Variants in MIER1 observed in about 807,000 individuals in gnomAD.
MIER1 encodes the protein mesoderm induction early response protein 1.
A neutral mutation model predicts 75.7 loss-of-function variants in MIER1; 40 were observed. That is an observed-to-expected ratio of 0.53 (90% CI 0.41 to 0.69). The LOEUF is 0.69. Ranked by LOEUF, MIER1 falls within the 30% of genes least tolerant of loss-of-function variation. The probability of loss-of-function intolerance (pLI) is 0.00; values close to 1 mark genes in which losing one functional copy is unlikely to be tolerated. For missense variants in MIER1, 574 were observed against 680.2 expected (o/e 0.84, Z 1.74); for synonymous variants, 213 against 223.4 (o/e 0.95, Z 0.42).
intron 8 of MIER1, among the ~76,000 whole-genome samples, chr1:66,970,333 T>A (rs1448065185): frequency 6.6e-6 from 1 of 152,202 alleles, no homozygotes; most frequent in Admixed American, 6.5e-5. Flanking sequence ...GTGTTAACAT[T>A]TGGTGAGCAT....
chr1:66,968,202 C>T (rs767227655), intron 8 of MIER1, among the ~76,000 whole-genome samples: 10 of 151,998 alleles, frequency 6.6e-5, no homozygotes, highest in Admixed American at 1.3e-4. Flanking sequence ...TTGGAGGGAT[C>T]GCTGTGGTAA....
chr1:66,977,516 ACT>A (rs2101987840), intron 12 of MIER1, among the ~76,000 whole-genome samples: 1 of 152,144 alleles, frequency 6.6e-6, no homozygotes, highest in African/African-American at 2.4e-5. Flanking sequence ...TAGTAATGTA[ACT>A]CTAGTGTAGT....
intron 2 of MIER1, among the ~76,000 whole-genome samples, chr1:66,935,033 C>T (rs191056579): frequency 7.6e-4 from 115 of 152,154 alleles, no homozygotes; most frequent in African/African-American, 2.5e-3. Context: ...TTTGTTCAGA[C>T]GGTAATACTC....
rs1045200593 is a variant in MIER1, at chr1:66,987,183, T to G, written c.*2283T>G. 6 of 152,754 alleles carry G rather than the reference T, an allele frequency of 3.9e-5. No homozygotes were observed. Among genetic ancestry groups the G allele is most frequent in the African/African-American group, 1.4e-4 (6 of 41,482 alleles). The allele number at this position is 152,754 out of a possible 1,614,324, so 9.5% of individuals were successfully genotyped here. A position where few individuals can be genotyped will look rare whatever the true frequency, so the allele number is the denominator to read the frequency against. On this transcript the variant is annotated 3_prime_UTR_variant, in exon 14 of 14. Coordinates refer to ENST00000401041, the MANE Select transcript of MIER1 (RefSeq NM_001077700.3). The stretch of plus-strand genomic sequence containing the variant: ...AGCTTTTTGTAAAGAAATATTTAAT[T>G]GTATTTTGTGTTTATACAGGTATTT...
intron 3 of MIER1, among the ~76,000 whole-genome samples, chr1:66,940,574 A>G (rs1412787840): frequency 6.6e-6 from 1 of 152,192 alleles, no homozygotes; most frequent in Non-Finnish European, 1.5e-5. Context: ...TTAGGTTCTG[A>G]GCACACATCT....
chr1:66,947,407 C>T (rs1219435459), intron 4 of MIER1: 3 of 152,082 alleles, frequency 2.0e-5, no homozygotes, highest in African/African-American at 4.8e-5. Flanking sequence ...TGTTCTTTCC[C>T]TGTCCTATCA....
At chr1:66,966,936 G>A (rs568866893) in intron 8 of MIER1, among the ~76,000 whole-genome samples, 88 of 152,206 alleles carry the variant, frequency 5.8e-4, no homozygotes, top group African/African-American at 2.0e-3. Flanking sequence ...TGGGTAGTTT[G>A]CAAATATTTT....
At chr1:66,937,540 A>G (rs1655200850) in intron 2 of MIER1, among the ~76,000 whole-genome samples, 1 of 152,046 alleles carries the variant, frequency 6.6e-6, no homozygotes, top group African/African-American at 2.4e-5. Flanking sequence ...AGCCAAGATC[A>G]TGCCACTGCA....
chr1:66,980,659 G>A (rs1439305315), intron 12 of MIER1, among the ~76,000 whole-genome samples: 2 of 152,062 alleles, frequency 1.3e-5, no homozygotes, highest in Non-Finnish European at 2.9e-5. Flanking sequence ...TTATGCTGAA[G>A]GAATTTTAAG....
intron 2 of MIER1, among the ~76,000 whole-genome samples, chr1:66,938,162 A>C (rs1223122121): frequency 1.3e-5 from 2 of 152,208 alleles, no homozygotes; most frequent in Non-Finnish European, 2.9e-5. Flanking sequence ...TTAACTATTT[A>C]CCAATGAAGC....
chr1:66,959,735 T>G lies in MIER1; in HGVS notation c.691T>G (p.Trp231Gly). ...EDEDYIPSEDWKKEIMVGSMF... is the reference protein window; with the variant it reads ...EDEDYIPSEDGKKEIMVGSMF... ...TGAAGATTATATTCCATCAGAAGAC[T>G]GGAAAAAGGTAGTTAGAACAATATT... The change falls in exon 7 of 14, where the codon TGG becomes GGG. Residue 231 changes from tryptophan to glycine, a missense_variant. Coordinates refer to ENST00000401041, the MANE Select transcript of MIER1 (RefSeq NM_001077700.3). 1.4e-6 allele frequency: 2 copies of G among 1,408,376 alleles called. No individual in the cohort carries two copies. The highest frequency in any genetic ancestry group is 1.9e-6 in the Non-Finnish European group (2 of 1,051,960). 87.2% of individuals were successfully genotyped at this position (1,408,376 alleles called of 1,614,324 possible).
At chr1:66,942,980 GA>G (rs1480316799) in intron 3 of MIER1, among the ~76,000 whole-genome samples, 1 of 152,092 alleles carries the variant, frequency 6.6e-6, no homozygotes, top group African/African-American at 2.4e-5. Context: ...GTATAACAAA[GA>G]ATTAAGCATA....
chr1:66,939,743 A>G (rs905849584), intron 2 of MIER1, among the ~76,000 whole-genome samples: 1 of 152,132 alleles, frequency 6.6e-6, no homozygotes, highest in Non-Finnish European at 1.5e-5. Context: ...CACATATGTT[A>G]TGAAGCCCAC....
intron 12 of MIER1, among the ~76,000 whole-genome samples, chr1:66,981,523 C>T (rs1202084835): frequency 6.6e-6 from 1 of 152,186 alleles, no homozygotes. Flanking sequence ...CTGCCTACAA[C>T]TTTACAAGCT....
intron 2 of MIER1, among the ~76,000 whole-genome samples, chr1:66,937,006 AAAAAAAAAAAAAAAGAG>A (rs1171316546): frequency 6.6e-6 from 1 of 150,768 alleles, no homozygotes; most frequent in African/African-American, 2.4e-5. Context: ...CTCAAAAAAA[AAAAAAAAAAAAAAAGAG>A]AAAAAGAAAA....
rs1289226040 is a variant in MIER1 at position 66,986,525 on chromosome 1, A to G, written c.*1625A>G. 1.5e-6 allele frequency: 2 copies of G among 1,348,812 alleles called. No homozygotes were observed. The highest frequency in any genetic ancestry group is 2.1e-6 in the Non-Finnish European group (2 of 951,272). 83.6% of individuals were successfully genotyped at this position (1,348,812 alleles called of 1,614,324 possible). On this transcript the variant is annotated 3_prime_UTR_variant, in exon 14 of 14. Transcript: ENST00000401041. ...CTCAACTGTCTGATGTAATTGAGTG[A>G]AGGTTTGCACTGAGAAATTAGCATT...
intron 10 of MIER1, 38 bp downstream of exon 10, chr1:66,971,774 A>G: frequency 8.9e-7 from 1 of 1,121,902 alleles, no homozygotes; most frequent in Non-Finnish European, 1.3e-6. Context: ...GATTTGGCAG[A>G]AATTTTAAAA....
chr1:66,930,180 CTCCAG>C (rs907052063), intron 2 of MIER1: 112 of 1,329,932 alleles, frequency 8.4e-5, no homozygotes, highest in Non-Finnish European at 1.1e-4. Context: ...GGTCTTTTCC[CTCCAG>C]TCCAGCCCAG....
At chr1:66,971,100 A>G (rs1663504102) in intron 9 of MIER1, 141 bp downstream of exon 9, 2 of 737,208 alleles carry the variant, frequency 2.7e-6, no homozygotes, top group African/African-American at 3.8e-5. Context: ...TCCCTGTAAG[A>G]TATCCGTTGT....
Sources: allele counts gnomAD v4.1 joint callset (sites outside exome capture counted in the v4.1 genomes callset), GRCh38; gene constraint gnomAD v4.1.1; transcripts MANE v1.5; gene names NCBI Gene and HGNC (gene_info 2026-07-23, HGNC 2026-07-21).